Variants in SYT3 observed in about 807,000 individuals in gnomAD.
SYT3 encodes synaptotagmin 3, also known as synaptotagmin-3.
A neutral mutation model predicts 50.6 loss-of-function variants in SYT3; 25 were observed. The observed-to-expected ratio is 0.49, with a 90% CI of 0.36 to 0.69. The LOEUF is 0.69. Ranked by LOEUF, SYT3 falls within the 30% of genes least tolerant of loss-of-function variation. The pLI, the probability that SYT3 is intolerant of heterozygous loss-of-function variation, is 0.00. For missense variants in SYT3, 589 were observed against 793.6 expected, an observed-to-expected ratio of 0.74 and a Z score of 3.10; for synonymous variants, 323 against 353.9, an observed-to-expected ratio of 0.91 and a Z score of 0.98.
Position 50,625,373 on chromosome 19 carries a change from G to C in SYT3, c.1574+20C>G. 1 of 1,537,818 alleles carries C rather than the reference G, an allele frequency of 6.5e-7. No individual in the cohort carries two copies. ...ACCCCAGCCCTCCTGCCTGACCCCCGCCCGGGCCGCGCCCCTCACCAGTCG... is the reference window on the plus strand; with the variant it reads ...ACCCCAGCCCTCCTGCCTGACCCCCCCCCGGGCCGCGCCCCTCACCAGTCG... On this transcript the variant is annotated intron_variant, in intron 8 of 10. Transcript: ENST00000600079. This position sits in a 1 kb window ranked among gnomAD's most constrained non-coding sequence, Gnocchi z 7.5.
the SYT3 span, among the ~76,000 whole-genome samples, chr19:50,646,007 A>T: frequency 6.6e-6 from 1 of 152,214 alleles, no homozygotes; most frequent in Admixed American, 6.5e-5. Flanking sequence ...GCACAGATAG[A>T]TGGAGACATA....
intron 6 of SYT3, among the ~76,000 whole-genome samples, chr19:50,628,270 G>A (rs1004903043): frequency 2.0e-5 from 3 of 151,932 alleles, no homozygotes; most frequent in Non-Finnish European, 4.4e-5. Flanking sequence ...AGATTTGGTG[G>A]GGCAGAAGAG....
chr19:50,622,237 C>T lies in SYT3; in HGVS notation c.*248G>A, dbSNP rs1344205273. On this transcript the variant is annotated 3_prime_UTR_variant, in exon 11 of 11. Transcript: ENST00000600079. Reference sequence around the variant, plus strand: ...TCCCCCAGACATGCATGGCCCCTCGCCTCGAGGGGGAGCCCCAGGGAAGAA... The same window carrying T: ...TCCCCCAGACATGCATGGCCCCTCGTCTCGAGGGGGAGCCCCAGGGAAGAA... The T allele has an allele frequency of 6.4e-6, 1 of 156,052 alleles. No homozygotes were observed. The highest frequency in any genetic ancestry group is 2.5e-5 in the African/African-American group (1 of 40,618). 9.7% of individuals were successfully genotyped at this position (156,052 alleles called of 1,614,324 possible).
At chr19:50,644,408 A>C (rs1301759289), upstream of SYT3, among the ~76,000 whole-genome samples, 1 of 151,796 alleles carries the variant, frequency 6.6e-6, no homozygotes, top group Non-Finnish European at 1.5e-5. Context: ...GAAGAGTTAG[A>C]GTGGGGATGG....
the SYT3 span, among the ~76,000 whole-genome samples, chr19:50,654,263 C>A: frequency 6.6e-6 from 1 of 152,046 alleles, no homozygotes; most frequent in Non-Finnish European, 1.5e-5. Flanking sequence ...TCCTCTCTTT[C>A]TCCTTCTTCC....
chr19:50,644,361 T>A (rs1255783388), upstream of SYT3, among the ~76,000 whole-genome samples: 3 of 151,582 alleles, frequency 2.0e-5, no homozygotes, highest in Non-Finnish European at 2.9e-5. Context: ...AAAGAGTGGA[T>A]GGTTGGGTGC....
the SYT3 span, chr19:50,658,036 C>A: frequency 6.5e-7 from 1 of 1,535,926 alleles, no homozygotes. Context: ...CCCTGGAGGC[C>A]CAGTTACCAG....
the SYT3 span, among the ~76,000 whole-genome samples, chr19:50,654,411 T>C: frequency 6.6e-6 from 1 of 152,112 alleles, no homozygotes; most frequent in Non-Finnish European, 1.5e-5. Flanking sequence ...CAAGTGATTC[T>C]TCTGCCTCAG....
Position 50,637,154 on chromosome 19 carries a change from A to G in SYT3, c.148+110T>C. ...CAGCAGCAGGCAGAATGGGGGCAAG[A>G]CGCTACGAGGGACTGACCCCACAAG... On this transcript the variant is annotated intron_variant, in intron 3 of 10. Coordinates refer to ENST00000600079, the MANE Select transcript of SYT3 (RefSeq NM_001160329.2). The surrounding 1 kb of genome is among the most constrained non-coding windows in gnomAD (Gnocchi z 4.9). The G allele has an allele frequency of 7.6e-7, 1 of 1,324,396 alleles. No homozygotes were observed. Among genetic ancestry groups the G allele is most frequent in the Non-Finnish European group, 1.0e-6 (1 of 955,266 alleles). 82.0% of individuals were successfully genotyped at this position (1,324,396 alleles called of 1,614,324 possible).
chr19:50,645,752 C>T, the SYT3 span, among the ~76,000 whole-genome samples: 4 of 151,986 alleles, frequency 2.6e-5, no homozygotes, highest in African/African-American at 7.3e-5. Context: ...GTGGTGTGTG[C>T]GCCTGTAGTT....
At chr19:50,635,873 T>C (rs1984480525) in intron 3 of SYT3, among the ~76,000 whole-genome samples, 1 of 152,196 alleles carries the variant, frequency 6.6e-6, no homozygotes, top group East Asian at 1.9e-4. Context: ...TCACACCTGG[T>C]CTGTCCTGGA....
the SYT3 span, chr19:50,656,423 G>A: frequency 6.9e-7 from 1 of 1,456,812 alleles, no homozygotes; most frequent in Non-Finnish European, 9.1e-7. Context: ...GAAGCAGTGT[G>A]GCCAGAGTTT....
At chr19:50,642,208 C>T (rs973272924), upstream of SYT3, among the ~76,000 whole-genome samples, 1 of 152,232 alleles carries the variant, frequency 6.6e-6, no homozygotes, top group African/African-American at 2.4e-5. Context: ...CTCTAACAGC[C>T]CGACCCTTGA....
chr19:50,626,056 C>A (rs776296007), intron 6 of SYT3, 39 bp from the exon 7 acceptor site: 3 of 1,603,244 alleles, frequency 1.9e-6, no homozygotes, highest in Non-Finnish European at 2.6e-6. Context: ...CTTGCCTCAG[C>A]CCCTCTTCAA....
At chr19:50,650,607 G>A in the SYT3 span, among the ~76,000 whole-genome samples, 3 of 152,098 alleles carry the variant, frequency 2.0e-5, no homozygotes, top group African/African-American at 4.8e-5. Flanking sequence ...GGAGGCAGAG[G>A]CTGCAGCGAG....
At chr19:50,636,115 G>A (rs1024463994) in intron 3 of SYT3, among the ~76,000 whole-genome samples, 25 of 152,060 alleles carry the variant, frequency 1.6e-4, no homozygotes, top group African/African-American at 5.8e-4. Flanking sequence ...TTAACTGGGC[G>A]TGGTGGCAGA....
At chr19:50,652,451 G>A in the SYT3 span, among the ~76,000 whole-genome samples, 3 of 152,300 alleles carry the variant, frequency 2.0e-5, no homozygotes, top group Non-Finnish European at 2.9e-5. Flanking sequence ...AACATACTGT[G>A]CTATGAGGAA....
At chr19:50,655,929 C>G in the SYT3 span, 2 of 933,642 alleles carry the variant, frequency 2.1e-6, no homozygotes, top group Non-Finnish European at 3.3e-6. Context: ...GACAGTAACT[C>G]AACATCTGGC....
intron 6 of SYT3, among the ~76,000 whole-genome samples, chr19:50,626,745 CAGAG>C (rs1984083926): frequency 1.4e-5 from 2 of 146,180 alleles, no homozygotes; most frequent in South Asian, 4.4e-4. Context: ...TACAGAGACC[CAGAG>C]AGAGAAAGAG....
Sources: allele counts gnomAD v4.1 joint callset (sites outside exome capture counted in the v4.1 genomes callset), GRCh38; gene constraint gnomAD v4.1.1; non-coding constraint Gnocchi (gnomAD v3.1); transcripts MANE v1.5; gene names NCBI Gene and HGNC (gene_info 2026-07-23, HGNC 2026-07-21).